Variants in ADGRL3 observed in about 807,000 individuals in gnomAD.
The protein encoded by ADGRL3 is calcium-independent alpha-latrotoxin receptor 3.
A neutral mutation model predicts 153.5 loss-of-function variants in ADGRL3; 62 were observed. The ratio of observed to expected loss-of-function variants is 0.40; its 90% CI spans 0.33 to 0.50. The LOEUF (loss-of-function observed/expected upper bound fraction) is 0.50. Among genes scored for constraint, ADGRL3 ranks in the 20% least tolerant of loss-of-function variants. The pLI is 0.47. For missense variants in ADGRL3, 1,641 were observed against 1,859.4 expected, an observed-to-expected ratio of 0.88 and a Z score of 2.16; for synonymous variants, 710 against 672.5, an observed-to-expected ratio of 1.06 and a Z score of -0.86.
rs141146993 is a variant in ADGRL3, at chr4:61,552,613, G to A, written c.260-34614G>A. 9.4e-4 allele frequency among the ~76,000 whole-genome samples: 143 copies of A among 152,160 alleles called. 1 individual carries two copies. Among genetic ancestry groups the A allele is most frequent in the African/African-American group, 3.4e-3 (140 of 41,534 alleles). ...TGAATAGCTGACATCAGGGGTGTGT[G>A]CCACCATGCTTGGCTAATTTTTTAT... On this transcript the variant is annotated intron_variant, in intron 4 of 26. Coordinates refer to ENST00000683033, the MANE Select transcript of ADGRL3 (RefSeq NM_001387552.1).
chr4:61,939,313 G>A (rs995022175), intron 15 of ADGRL3, among the ~76,000 whole-genome samples: 1 of 152,054 alleles, frequency 6.6e-6, no homozygotes, highest in Admixed American at 6.5e-5. Context: ...TTTGACAGTT[G>A]TACATAATTT....
intron 6 of ADGRL3, among the ~76,000 whole-genome samples, chr4:61,678,878 C>T (rs1391320): frequency 0.35 from 53,760 of 151,588 alleles, 10,020 homozygotes; most frequent in East Asian, 0.53. Context: ...AAATTTAACA[C>T]GATTTGAAAA....
At chr4:61,400,817 CAAAAA>C (rs67512824) in intron 2 of ADGRL3, among the ~76,000 whole-genome samples, 3 of 114,558 alleles carry the variant, frequency 2.6e-5, no homozygotes, top group Admixed American at 9.0e-5. Context: ...GCTAAAGTTA[CAAAAA>C]AAAAAAAAAA....
chr4:61,750,463 A>C (rs1426322470), intron 8 of ADGRL3, among the ~76,000 whole-genome samples: 2 of 152,206 alleles, frequency 1.3e-5, no homozygotes, highest in Non-Finnish European at 1.5e-5. Context: ...CACAACTGAA[A>C]AACAAGGTAA....
At chr4:61,305,742 A>G in intron 1 of ADGRL3, among the ~76,000 whole-genome samples, 1 of 152,114 alleles carries the variant, frequency 6.6e-6, no homozygotes, top group East Asian at 1.9e-4. Flanking sequence ...TGGCCATGGA[A>G]TGGAGAAGTG....
chr4:61,207,179 C>T (rs1284590226), intron 1 of ADGRL3, among the ~76,000 whole-genome samples: 1 of 151,964 alleles, frequency 6.6e-6, no homozygotes, highest in Non-Finnish European at 1.5e-5. Context: ...AGGTATTTCT[C>T]CTAATGCTAT....
At chr4:61,748,438 C>A (rs913240063) in intron 8 of ADGRL3, among the ~76,000 whole-genome samples, 3 of 151,094 alleles carry the variant, frequency 2.0e-5, no homozygotes, top group African/African-American at 7.4e-5. Flanking sequence ...CTGGAGGCAT[C>A]ACGCTACCTG....
At chr4:61,884,564 A>G (rs750990572) in intron 9 of ADGRL3, among the ~76,000 whole-genome samples, 3 of 152,154 alleles carry the variant, frequency 2.0e-5, no homozygotes, top group Non-Finnish European at 4.4e-5. Flanking sequence ...AATTAGCTCT[A>G]TAAAGATTAC....
rs147157502 is a variant in ADGRL3 at position 61,321,871 on chromosome 4, A to C, written c.-239-61253A>C. 4.1e-3 allele frequency among the ~76,000 whole-genome samples: 626 copies of C among 152,276 alleles called. 5 individuals carry two copies. The highest frequency in any genetic ancestry group is 0.014 in the African/African-American group (597 of 41,550). ...GTGGTTGTTTCAGAGAAATAAAAATAATATAAATTGGTTAGGAGGAAGGAG... is the reference window on the plus strand; with the variant it reads ...GTGGTTGTTTCAGAGAAATAAAAATCATATAAATTGGTTAGGAGGAAGGAG... On this transcript the variant is annotated intron_variant, in intron 1 of 26. Coordinates refer to ENST00000683033, the MANE Select transcript of ADGRL3 (RefSeq NM_001387552.1).
chr4:61,729,812 A>G (rs1432290970), intron 6 of ADGRL3, among the ~76,000 whole-genome samples: 1 of 152,020 alleles, frequency 6.6e-6, no homozygotes, highest in Non-Finnish European at 1.5e-5. Context: ...CCTTAAAAAT[A>G]ATTATGGAAT....
chr4:61,957,465 C>A (rs1221162745), intron 17 of ADGRL3, among the ~76,000 whole-genome samples: 4 of 151,532 alleles, frequency 2.6e-5, no homozygotes, highest in Non-Finnish European at 5.9e-5. Flanking sequence ...ATAAGCATAG[C>A]CAAATTATAA....
chr4:61,873,362 C>G (rs13134900), intron 9 of ADGRL3, among the ~76,000 whole-genome samples: 1 of 152,316 alleles, frequency 6.6e-6, no homozygotes, highest in South Asian at 2.1e-4. Context: ...CCTCCCTAAC[C>G]TAATTCAAGC....
chr4:61,866,079 A>T (rs545670058), intron 9 of ADGRL3, among the ~76,000 whole-genome samples: 2 of 152,286 alleles, frequency 1.3e-5, no homozygotes, highest in African/African-American at 4.8e-5. Flanking sequence ...GATATCACAG[A>T]CACCTGCAGA....
At chr4:61,240,806 G>A (rs1011626011) in intron 1 of ADGRL3, among the ~76,000 whole-genome samples, 24 of 151,922 alleles carry the variant, frequency 1.6e-4, no homozygotes, top group Non-Finnish European at 2.9e-5. Context: ...GTTTCATGAG[G>A]GATGAACCTA....
intron 17 of ADGRL3, among the ~76,000 whole-genome samples, chr4:61,976,983 T>G (rs895622539): frequency 1.1e-4 from 17 of 152,196 alleles, no homozygotes; most frequent in Non-Finnish European, 2.1e-4. Flanking sequence ...GATGTTTTCC[T>G]GCTAAACAGT....
Position 61,746,362 on chromosome 4 carries a change from A to G in ADGRL3, c.1399+12808A>G, listed in dbSNP as rs2096661352. Among the ~76,000 whole-genome samples, 6 of 152,238 alleles carry G rather than the reference A, an allele frequency of 3.9e-5. No individual in the cohort carries two copies. The South Asian group carries it at 1.2e-3, about 32-fold the overall frequency. The stretch of plus-strand genomic sequence containing the variant: ...CAGCTCTGCACCAAGCGGACCTAAT[A>G]CCCATCTACAGAACTCTCCACCCCA... On this transcript the variant is annotated intron_variant, in intron 8 of 26. Transcript: ENST00000683033.
chr4:61,209,925 A>G (rs1239052020), intron 1 of ADGRL3, among the ~76,000 whole-genome samples: 2 of 152,196 alleles, frequency 1.3e-5, no homozygotes, highest in Non-Finnish European at 2.9e-5. Context: ...CAGGATTTTC[A>G]TATTTTTAAA....
intron 2 of ADGRL3, among the ~76,000 whole-genome samples, chr4:61,492,674 A>G (rs540365715): frequency 1.2e-4 from 18 of 152,258 alleles, no homozygotes; most frequent in African/African-American, 4.3e-4. Flanking sequence ...ACTTTTGTTG[A>G]AAGGAATAAC....
chr4:61,496,412 C>T (rs1262913349), intron 2 of ADGRL3, among the ~76,000 whole-genome samples: 2 of 152,016 alleles, frequency 1.3e-5, no homozygotes, highest in Non-Finnish European at 2.9e-5. Context: ...GCCTGTAATC[C>T]CAGCACTTTG....
Sources: gnomAD v4.1 joint callset for allele counts (sites outside exome capture counted in the v4.1 genomes callset) on GRCh38, gnomAD v4.1.1 for gene constraint, MANE v1.5 for transcripts, NCBI Gene and HGNC (gene_info 2026-07-23, HGNC 2026-07-21) for gene names.